LAMA1: variants seen among roughly 807,000 people sequenced by gnomAD.
The protein encoded by LAMA1 is laminin subunit alpha-1.
LAMA1 carries 219 observed loss-of-function variants against 348.7 expected under a neutral mutation model. That is an observed-to-expected ratio of 0.63 (90% CI 0.56 to 0.70). The LOEUF (loss-of-function observed/expected upper bound fraction) is 0.70, where lower values mean the gene tolerates loss of function less well. LAMA1 is among the 30% of genes least tolerant of loss of function. The pLI, the probability that LAMA1 is intolerant of heterozygous loss-of-function variation, is 0.00. For synonymous variants in LAMA1, 1,487 were observed against 1,491.0 expected (o/e 1.00, Z 0.06); for missense variants, 3,744 against 3,888.0 (o/e 0.96, Z 0.99).
chr18:7,111,974 T>C (rs544925166), intron 1 of LAMA1, among the ~76,000 whole-genome samples: 18 of 152,370 alleles, frequency 1.2e-4, no homozygotes, highest in Middle Eastern at 3.4e-3. Context: ...TAATAAGTCA[T>C]ACTTATTGGT....
intron 34 of LAMA1, among the ~76,000 whole-genome samples, chr18:6,994,220 A>G (rs1363922069): frequency 6.6e-6 from 1 of 152,160 alleles, no homozygotes; most frequent in Non-Finnish European, 1.5e-5. Context: ...ATCTCCAAGC[A>G]TTGTCTGTAA....
At chr18:7,002,512 G>A in intron 29 of LAMA1, 127 bp from the exon 30 acceptor site, 1 of 1,042,554 alleles carries the variant, frequency 9.6e-7, no homozygotes. Flanking sequence ...TTCAGGAAAG[G>A]GGAGCATTTT....
At chr18:6,955,778 CT>C in intron 56 of LAMA1, 1 of 439,446 alleles carries the variant, frequency 2.3e-6, no homozygotes, top group East Asian at 5.1e-5. Flanking sequence ...TGCTGTCCCC[CT>C]AGGCCCCCGC....
rs141554495 is a variant in LAMA1 at position 7,090,743 on chromosome 18, G to C, written c.62-10286C>G. The stretch of plus-strand genomic sequence containing the variant: ...GGGAGGGAGAGAGGGAGGGAGGGAG[G>C]GAATAAAGACCCCATACAAACAGTG... On this transcript the variant is annotated intron_variant, in intron 1 of 62. Transcript: ENST00000389658. Among the ~76,000 whole-genome samples, 43 of 148,800 alleles carry C rather than the reference G, an allele frequency of 2.9e-4. No homozygotes were observed. The East Asian group carries it at 8.7e-3, about 30-fold the overall frequency.
intron 57 of LAMA1, 132 bp downstream of exon 57, chr18:6,955,221 C>T (rs998534190): frequency 4.1e-6 from 3 of 735,952 alleles, no homozygotes; most frequent in Non-Finnish European, 7.2e-6. Flanking sequence ...CTTCTCTTTG[C>T]CATTTGGTTG....
chr18:6,950,886 C>A lies in LAMA1; in HGVS notation c.8293G>T (p.Val2765Leu). 1 of 1,614,182 alleles carries A rather than the reference C, an allele frequency of 6.2e-7. No homozygotes were observed. Among genetic ancestry groups the A allele is most frequent in the Non-Finnish European group, 8.5e-7 (1 of 1,180,040 alleles). The change falls in exon 58 of 63, where the codon GTG (valine) becomes TTG (leucine). Residue 2765 changes from valine (V) to leucine (L), a missense_variant. Val to Leu is a conservative substitution (Grantham distance 32). This residue lies in a region of LAMA1 where 1,983 missense variants were observed against 1,934.3 expected (regional missense o/e 1.03). Coordinates refer to ENST00000389658, the MANE Select transcript of LAMA1 (RefSeq NM_005559.4). ...AGGCGGCCCCCGTGCAGCTGGAGCA[C>A]AGCGTAGTCTGCTTGGTTCTGATGA... Reference protein sequence around the residue: ...MAHQNQADYAVLQLHGGRLHF... With the variant: ...MAHQNQADYALLQLHGGRLHF...
At chr18:7,028,984 A>C (rs1283040690) in intron 16 of LAMA1, among the ~76,000 whole-genome samples, 1 of 152,122 alleles carries the variant, frequency 6.6e-6, no homozygotes, top group Non-Finnish European at 1.5e-5. Context: ...TTCATCTAGC[A>C]ATTTAGTATT....
intron 51 of LAMA1, among the ~76,000 whole-genome samples, chr18:6,962,497 G>A (rs565519006): frequency 1.3e-5 from 2 of 152,166 alleles, no homozygotes; most frequent in South Asian, 4.2e-4. Context: ...AAATGTCTTG[G>A]CCTCCCTCTA....
chr18:7,021,891 T>C (rs1409344527), intron 19 of LAMA1, among the ~76,000 whole-genome samples: 1 of 143,710 alleles, frequency 7.0e-6, no homozygotes, highest in African/African-American at 2.6e-5. Context: ...TAATAATTGG[T>C]TTATTACTAG....
At chr18:7,062,074 CATT>C (rs1466453662) in intron 3 of LAMA1, among the ~76,000 whole-genome samples, 2 of 152,252 alleles carry the variant, frequency 1.3e-5, no homozygotes, top group Non-Finnish European at 2.9e-5. Context: ...GTCCAGTCAT[CATT>C]AACTGAGCAT....
chr18:7,030,933 A>G (rs1242869925), intron 16 of LAMA1, among the ~76,000 whole-genome samples: 1 of 149,504 alleles, frequency 6.7e-6, no homozygotes, highest in Non-Finnish European at 1.5e-5. Context: ...AAGCGGTTGG[A>G]AGCTGTGCAC....
chr18:7,080,168 G>A lies in LAMA1; in HGVS notation c.233-81C>T, dbSNP rs554550786. The A allele has an allele frequency of 4.5e-6, 7 of 1,556,084 alleles. No individual in the cohort carries two copies. The South Asian group carries it at 5.6e-5, about 12-fold the overall frequency. ...TAAGTTCTAAACCGTAATGCTAGTG[G>A]AAACAAAGAGCAGTGAAGGTGAACA... is the stretch of plus-strand genomic sequence containing the variant. On this transcript the variant is annotated intron_variant, in intron 2 of 62. Coordinates refer to ENST00000389658, the MANE Select transcript of LAMA1 (RefSeq NM_005559.4).
chr18:7,038,631 A>G (rs1036047156), intron 11 of LAMA1, 179 bp downstream of exon 11: 8 of 784,094 alleles, frequency 1.0e-5, no homozygotes, highest in African/African-American at 1.0e-4. Context: ...GAGTAAGCAC[A>G]TGACCTATAA....
Position 7,098,182 on chromosome 18 carries a change from G to C in LAMA1, c.62-17725C>G, listed in dbSNP as rs866351744. Among the ~76,000 whole-genome samples the C allele has an allele frequency of 3.4e-3, 518 of 151,232 alleles. 1 individual carries two copies. The highest frequency in any genetic ancestry group is 0.012 in the African/African-American group (499 of 41,438). On this transcript the variant is annotated intron_variant, in intron 1 of 62. Coordinates refer to ENST00000389658, the MANE Select transcript of LAMA1 (RefSeq NM_005559.4). ...GGTGCCCAGGCTGGAGTGCAGTGGC[G>C]TGATCTCGGCTCGCTACAACCTCCA...
At chr18:7,079,863 T>G in intron 3 of LAMA1, 112 bp downstream of exon 3, 9 of 786,672 alleles carry the variant, frequency 1.1e-5, no homozygotes, top group Non-Finnish European at 1.8e-5. Flanking sequence ...GTGGAAATAG[T>G]GAGATTAGAA....
At chr18:6,980,385 T>C (rs1217296530) in intron 42 of LAMA1, 136 bp downstream of exon 42, 5 of 668,458 alleles carry the variant, frequency 7.5e-6, no homozygotes, top group African/African-American at 3.6e-5. Flanking sequence ...CCTTTGCAAG[T>C]AAAAATTTTG....
intron 46 of LAMA1, among the ~76,000 whole-genome samples, chr18:6,974,534 G>A (rs980030483): frequency 6.9e-6 from 1 of 145,458 alleles, no homozygotes; most frequent in African/African-American, 2.6e-5. Context: ...TCCACTCACT[G>A]CAACCTCCAC....
chr18:6,991,873 A>T (rs759149537), intron 36 of LAMA1, among the ~76,000 whole-genome samples: 2 of 152,260 alleles, frequency 1.3e-5, no homozygotes, highest in Non-Finnish European at 2.9e-5. Flanking sequence ...ATCTCACATG[A>T]CTATATCATT....
intron 61 of LAMA1, among the ~76,000 whole-genome samples, chr18:6,946,108 C>T (rs570026): frequency 2.6e-5 from 4 of 151,784 alleles, no homozygotes; most frequent in African/African-American, 9.7e-5. Flanking sequence ...GCAGAACAGT[C>T]ACAGAAAAAA....
Sources: allele counts gnomAD v4.1 joint callset (sites outside exome capture counted in the v4.1 genomes callset), GRCh38; gene constraint gnomAD v4.1.1; regional missense constraint gnomAD v4.1.1; transcripts MANE v1.5; gene names NCBI Gene and HGNC (gene_info 2026-07-23, HGNC 2026-07-21).